The following EBF4 variants were observed in gnomAD, a reference collection of about 807,000 sequenced individuals.
The protein encoded by EBF4 is transcription factor COE4.
EBF4 carries 34 observed loss-of-function variants against 67.1 expected under a neutral mutation model. The ratio of observed to expected loss-of-function variants is 0.51; its 90% confidence interval spans 0.39 to 0.67. The LOEUF (loss-of-function observed/expected upper bound fraction) is 0.67, where lower values mean the gene tolerates loss of function less well. Ranked by LOEUF, EBF4 falls within the 30% of genes least tolerant of loss-of-function variation. The pLI is 0.00. For missense variants in EBF4, 837 were observed against 873.3 expected (o/e 0.96, Z 0.52); for synonymous variants, 387 against 377.7 (o/e 1.02, Z -0.29).
rs1324316497 is a variant in EBF4, at chr20:2,708,165, G to A, written c.488+145G>A. The A allele has an allele frequency of 4.4e-5, 36 of 819,516 alleles. 1 individual carries two copies. The South Asian group carries it at 5.2e-4, about 12-fold the overall frequency. 50.8% of individuals were successfully genotyped at this position (819,516 alleles called of 1,614,324 possible). ...GAAGCCTGGTGGCAGGTGATGAAGG[G>A]AGTGGTGAGGCCCCTGGGCACAGCG... On this transcript the variant is annotated intron_variant, in intron 5 of 16. Coordinates refer to ENST00000609451, the Ensembl canonical transcript of EBF4.
At chr20:2,752,584 G>GGGA (rs1396692974) in intron 14 of EBF4, 39 bp downstream of exon 14, 138 of 1,226,892 alleles carry the variant, frequency 1.1e-4, no homozygotes, top group Admixed American at 3.0e-4. Context: ...TCTGGGGCCG[G>GGGA]GGAGCGGAAC....
chr20:2,733,805 T>A (rs1365922589), intron 6 of EBF4, among the ~76,000 whole-genome samples: 3 of 146,350 alleles, frequency 2.0e-5, no homozygotes, highest in Non-Finnish European at 4.5e-5. Flanking sequence ...ATACTAGCGA[T>A]AGCTGATGAG....
intron 1 of EBF4, among the ~76,000 whole-genome samples, chr20:2,697,362 G>A (rs1256284234): frequency 1.3e-5 from 2 of 151,902 alleles, no homozygotes; most frequent in African/African-American, 2.4e-5. Context: ...TGGCTAACAC[G>A]GTGAAACCCC....
At chr20:2,758,064 G>C (rs1215609661) in intron 15 of EBF4, among the ~76,000 whole-genome samples, 1 of 152,258 alleles carries the variant, frequency 6.6e-6, no homozygotes. Flanking sequence ...GAGACAGTGA[G>C]AGACTGAAGC....
At chr20:2,754,045 G>A (rs2088199537) in intron 14 of EBF4, among the ~76,000 whole-genome samples, 1 of 152,062 alleles carries the variant, frequency 6.6e-6, no homozygotes, top group African/African-American at 2.4e-5. Context: ...CCAGTGTGCA[G>A]AACCCAGCCC....
At chr20:2,730,528 G>T (rs1292410203) in intron 6 of EBF4, among the ~76,000 whole-genome samples, 1 of 152,152 alleles carries the variant, frequency 6.6e-6, no homozygotes, top group Non-Finnish European at 1.5e-5. Context: ...TAACTTTTGG[G>T]GGGGCCACCA....
At chr20:2,709,815 C>T (rs1212708088) in intron 6 of EBF4, among the ~76,000 whole-genome samples, 173 bp downstream of exon 6, 4 of 150,408 alleles carry the variant, frequency 2.7e-5, no homozygotes, top group African/African-American at 4.9e-5. Flanking sequence ...AGCCTCCAGC[C>T]GTGGCCCCTG....
intron 6 of EBF4, among the ~76,000 whole-genome samples, chr20:2,714,558 C>G (rs2087584466): frequency 6.6e-6 from 1 of 152,150 alleles, no homozygotes; most frequent in African/African-American, 2.4e-5. Flanking sequence ...TGCCATGTTG[C>G]CCAGGCTGGT....
intron 6 of EBF4, among the ~76,000 whole-genome samples, chr20:2,737,611 T>C (rs2087906739): frequency 6.6e-6 from 1 of 152,082 alleles, no homozygotes. Context: ...GAGTCATTTC[T>C]TACCCTCCTG....
At chr20:2,725,767 G>A (rs1359918198) in intron 6 of EBF4, among the ~76,000 whole-genome samples, 1 of 152,138 alleles carries the variant, frequency 6.6e-6, no homozygotes, top group African/African-American at 2.4e-5. Context: ...AGGATCCAGG[G>A]CCCTCCTCTC....
At chr20:2,721,524 G>A (rs1364044644) in intron 6 of EBF4, among the ~76,000 whole-genome samples, 2 of 151,724 alleles carry the variant, frequency 1.3e-5, no homozygotes, top group South Asian at 2.1e-4. Flanking sequence ...GCACGATCTC[G>A]GCTCACTGCA....
At chr20:2,726,940 T>TC (rs1298776828) in intron 6 of EBF4, among the ~76,000 whole-genome samples, 1 of 152,012 alleles carries the variant, frequency 6.6e-6, no homozygotes, top group Non-Finnish European at 1.5e-5. Context: ...CATCTCCCTC[T>TC]CCCCCCAGCC....
intron 6 of EBF4, among the ~76,000 whole-genome samples, chr20:2,736,826 G>A (rs1032500421): frequency 2.0e-5 from 2 of 101,352 alleles, no homozygotes; most frequent in Non-Finnish European, 3.6e-5. Context: ...CCAGTCATAA[G>A]GACAAAGGAC....
intron 1 of EBF4, among the ~76,000 whole-genome samples, chr20:2,702,214 G>A (rs150657665): frequency 3.9e-5 from 6 of 152,160 alleles, no homozygotes; most frequent in African/African-American, 7.2e-5. Context: ...CAGGAGGATC[G>A]CTTGAGCCCA....
chr20:2,750,474 A>G (rs901971916), intron 10 of EBF4, among the ~76,000 whole-genome samples: 1 of 152,152 alleles, frequency 6.6e-6, no homozygotes, highest in African/African-American at 2.4e-5. Flanking sequence ...CGAGCAGTGA[A>G]CACACGTGGA....
At chr20:2,729,278 A>C (rs188737903) in intron 6 of EBF4, among the ~76,000 whole-genome samples, 201 of 152,136 alleles carry the variant, frequency 1.3e-3, no homozygotes, top group South Asian at 3.5e-3. Context: ...CGCTCAAAGA[A>C]CCCAAATCTG....
chr20:2,692,912 CG>C (rs1568561857), upstream of EBF4: 5 of 146,060 alleles, frequency 3.4e-5, no homozygotes, highest in African/African-American at 9.9e-5. This position sits in a 1 kb window ranked among gnomAD's most constrained non-coding sequence, Gnocchi z 6.4. Context: ...AACCGGGCCC[CG>C]GGGGGAGTCG....
chr20:2,721,324 A>G (rs2087678312), intron 6 of EBF4, among the ~76,000 whole-genome samples: 1 of 139,872 alleles, frequency 7.1e-6, no homozygotes, highest in African/African-American at 2.7e-5. Context: ...CTTCAAGTTC[A>G]CTAATCTTTT....
intron 6 of EBF4, among the ~76,000 whole-genome samples, chr20:2,732,388 C>T (rs569416695): frequency 6.6e-4 from 100 of 152,318 alleles, no homozygotes; most frequent in Non-Finnish European, 1.2e-3. Flanking sequence ...TCCCAACATG[C>T]GGGGGTTATG....
Sources: allele counts gnomAD v4.1 joint callset (sites outside exome capture counted in the v4.1 genomes callset), GRCh38; gene constraint gnomAD v4.1.1; non-coding constraint Gnocchi (gnomAD v3.1); transcripts MANE v1.5; gene names NCBI Gene and HGNC (gene_info 2026-07-23, HGNC 2026-07-21).